The following FBXW7 variants were observed in gnomAD, a reference collection of about 807,000 sequenced individuals.
The protein encoded by FBXW7 is F-box/WD repeat-containing protein 7.
FBXW7 carries 11 observed loss-of-function variants against 86.3 expected under a neutral mutation model. That is an observed-to-expected ratio of 0.13 (90% CI 0.08 to 0.21). The LOEUF (loss-of-function observed/expected upper bound fraction) is 0.21. Among genes scored for constraint, FBXW7 ranks in the 10% least tolerant of loss-of-function variants. The probability of loss-of-function intolerance (pLI) is 1.00; values close to 1 mark genes in which losing one functional copy is unlikely to be tolerated. For synonymous variants in FBXW7, 313 were observed against 297.9 expected (o/e 1.05, Z -0.52); for missense variants, 488 against 847.4 (o/e 0.58, Z 5.27).
intron 4 of FBXW7, among the ~76,000 whole-genome samples, chr4:152,406,444 T>A (rs529162237): frequency 6.6e-6 from 1 of 152,284 alleles, no homozygotes; most frequent in African/African-American, 2.4e-5. Flanking sequence ...GTAACTGTCA[T>A]TACCTGCAGT....
At chr4:152,410,368 C>T (rs1273912794) in intron 4 of FBXW7, among the ~76,000 whole-genome samples, 1 of 152,154 alleles carries the variant, frequency 6.6e-6, no homozygotes, top group East Asian at 1.9e-4. Context: ...GTGGTAGAGC[C>T]ATCTGGCTGA....
chr4:152,488,204 G>A (rs142694379), intron 2 of FBXW7, among the ~76,000 whole-genome samples: 1 of 151,808 alleles, frequency 6.6e-6, no homozygotes, highest in African/African-American at 2.4e-5. Flanking sequence ...CAATTAATAG[G>A]TCTATAAAAA....
At chr4:152,444,755 T>G (rs1390242836) in intron 2 of FBXW7, among the ~76,000 whole-genome samples, 1 of 152,182 alleles carries the variant, frequency 6.6e-6, no homozygotes, top group Non-Finnish European at 1.5e-5. Flanking sequence ...CCCATTCCGG[T>G]GATTCTTTCA....
intron 4 of FBXW7, among the ~76,000 whole-genome samples, chr4:152,375,336 A>T (rs1311283375): frequency 2.0e-5 from 3 of 152,140 alleles, no homozygotes; most frequent in African/African-American, 7.2e-5. Flanking sequence ...AAAAAATGAG[A>T]CAACCATAAG....
intron 11 of FBXW7, among the ~76,000 whole-genome samples, chr4:152,326,470 GACCTTAGGTTCAGC>G (rs2126500986): frequency 6.6e-6 from 1 of 151,980 alleles, no homozygotes; most frequent in East Asian, 1.9e-4. Flanking sequence ...CTGACCTGGG[GACCTTAGGTTCAGC>G]ACCTTAAGGT....
chr4:152,322,487 G>T lies in FBXW7; in HGVS notation c.*394C>A. 4.0e-6 allele frequency: 1 copy of T among 248,456 alleles called. No homozygotes were observed. Among genetic ancestry groups the T allele is most frequent in the Non-Finnish European group, 7.9e-6 (1 of 127,144 alleles). 15.4% of individuals were successfully genotyped at this position (248,456 alleles called of 1,614,324 possible). A position where few individuals can be genotyped will look rare whatever the true frequency, so the allele number is the denominator to read the frequency against. On this transcript the variant is annotated 3_prime_UTR_variant, in exon 14 of 14. Coordinates refer to ENST00000281708, the MANE Select transcript of FBXW7 (RefSeq NM_001349798.2). ...TGATATTATTGCAGTTCCTTTCTAGGTGTCTAGCTGTCAGTGGTAAAAGAA... is the reference window on the plus strand; with the variant it reads ...TGATATTATTGCAGTTCCTTTCTAGTTGTCTAGCTGTCAGTGGTAAAAGAA...
chr4:152,493,018 G>A (rs1483128173), intron 2 of FBXW7, among the ~76,000 whole-genome samples: 1 of 151,678 alleles, frequency 6.6e-6, no homozygotes, highest in African/African-American at 2.4e-5. Flanking sequence ...AGAAGTAAGA[G>A]AAGCAGAAAA....
intron 4 of FBXW7, among the ~76,000 whole-genome samples, chr4:152,361,501 C>A (rs1361875708): frequency 6.6e-6 from 1 of 152,098 alleles, no homozygotes; most frequent in African/African-American, 2.4e-5. Flanking sequence ...GAAAAGGTAT[C>A]TGAATGTATA....
In FBXW7 at chr4:152,392,511, A is replaced by AC. The variant is rs750016144; in HGVS notation, c.501+18791dup. Among the ~76,000 whole-genome samples the AC allele has an allele frequency of 9.3e-4, 142 of 151,950 alleles. 1 individual carries two copies. The highest frequency in any genetic ancestry group is 8.7e-4 in the Non-Finnish European group (59 of 67,994). On this transcript the variant is annotated intron_variant, in intron 4 of 13. Coordinates refer to ENST00000281708, the MANE Select transcript of FBXW7 (RefSeq NM_001349798.2). ...CTGGGTCAGCCCTCAGCTGTTCTAG[A>AC]CCCCCACTTTTGCACCTCCAGCCAT...
At chr4:152,337,563 A>G in intron 7 of FBXW7, 1 of 363,804 alleles carries the variant, frequency 2.7e-6, no homozygotes, top group East Asian at 4.5e-5. Flanking sequence ...TTACTCTCAC[A>G]TATATGACTT....
At chr4:152,525,674 TACC>T (rs1013394120) in intron 2 of FBXW7, among the ~76,000 whole-genome samples, 2 of 152,222 alleles carry the variant, frequency 1.3e-5, no homozygotes, top group Admixed American at 6.5e-5. Flanking sequence ...GGTGTGTATG[TACC>T]ACATTTTCTT....
At chr4:152,333,644 C>T (rs945491315) in intron 7 of FBXW7, among the ~76,000 whole-genome samples, 9 of 152,006 alleles carry the variant, frequency 5.9e-5, no homozygotes, top group African/African-American at 1.2e-4. Context: ...ATAAATTATC[C>T]GTTAAAGGGT....
chr4:152,405,047 AT>A (rs1334389727), intron 4 of FBXW7, among the ~76,000 whole-genome samples: 1 of 138,958 alleles, frequency 7.2e-6, no homozygotes, highest in African/African-American at 2.7e-5. Context: ...AGCCATGATT[AT>A]GCCACTGCAC....
Position 152,535,356 on chromosome 4 carries a change from G to A in FBXW7, c.-442C>T, listed in dbSNP as rs1750431590. 1 of 371,334 alleles carries A rather than the reference G, an allele frequency of 2.7e-6. No homozygotes were observed. Among genetic ancestry groups the A allele is most frequent in the African/African-American group, 2.1e-5 (1 of 47,678 alleles). The allele number at this position is 371,334 out of a possible 1,614,324, so 23.0% of individuals were successfully genotyped here. A position where few individuals can be genotyped will look rare whatever the true frequency, so the allele number is the denominator to read the frequency against. On this transcript the variant is annotated 5_prime_UTR_variant, in exon 1 of 14. Transcript: ENST00000281708. ...CTCCCGGAGTCCAGCCAAGGAGCCG[G>A]GGGGCCGGCGACTGGCCAAGGGAGA... is the stretch of plus-strand genomic sequence containing the variant.
chr4:152,432,204 C>T (rs1311575731), intron 2 of FBXW7, among the ~76,000 whole-genome samples: 5 of 152,058 alleles, frequency 3.3e-5, no homozygotes, highest in Admixed American at 3.3e-4. Flanking sequence ...GTTGTGAACT[C>T]TAGGAAAACT....
rs528921093 is a variant in FBXW7, at chr4:152,399,731, T to C, written c.501+11572A>G. ...ATTAGCAGCCCCCTGAAATAAAATA[T>C]TTAGGGATGAATCTAATAAAATATG... is the stretch of plus-strand genomic sequence containing the variant. On this transcript the variant is annotated intron_variant, in intron 4 of 13. Coordinates refer to ENST00000281708, the MANE Select transcript of FBXW7 (RefSeq NM_001349798.2). Among the ~76,000 whole-genome samples, 5 of 152,234 alleles carry C rather than the reference T, an allele frequency of 3.3e-5. No homozygotes were observed. In the East Asian group the frequency reaches 9.7e-4, roughly 29 times the overall value.
chr4:152,381,997 T>C (rs1735118746), intron 4 of FBXW7, among the ~76,000 whole-genome samples: 1 of 152,180 alleles, frequency 6.6e-6, no homozygotes, highest in African/African-American at 2.4e-5. Context: ...AAAGGTGAAC[T>C]GGGTAACCCT....
At chr4:152,337,775 A>G (rs1046169570) in intron 7 of FBXW7, 27 bp downstream of exon 7, 3 of 1,591,866 alleles carry the variant, frequency 1.9e-6, no homozygotes, top group Non-Finnish European at 2.6e-6. Context: ...ATAACACCCA[A>G]TGAAGAATGT....
At chr4:152,470,365 A>G (rs1743837909) in intron 2 of FBXW7, among the ~76,000 whole-genome samples, 1 of 152,112 alleles carries the variant, frequency 6.6e-6, no homozygotes, top group African/African-American at 2.4e-5. Context: ...GACAATCAAC[A>G]TATAATGTAA....
Sources: gnomAD v4.1 joint callset for allele counts (sites outside exome capture counted in the v4.1 genomes callset) on GRCh38, gnomAD v4.1.1 for gene constraint, MANE v1.5 for transcripts, NCBI Gene and HGNC (gene_info 2026-07-23, HGNC 2026-07-21) for gene names.